Variants in SMYD3 observed in about 807,000 individuals in gnomAD.
The protein encoded by SMYD3 is histone-lysine N-methyltransferase SMYD3.
In SMYD3, 36 loss-of-function variants were observed where a neutral mutation model predicts 57.7. The observed-to-expected ratio is 0.62, with a 90% CI of 0.48 to 0.82. SMYD3 has a LOEUF of 0.82. SMYD3 is among the 40% of genes least tolerant of loss of function. The pLI is 0.00. For missense variants in SMYD3, 515 were observed against 538.8 expected, an observed-to-expected ratio of 0.96 and a Z score of 0.44; for synonymous variants, 211 against 195.0, an observed-to-expected ratio of 1.08 and a Z score of -0.68.
intron 5 of SMYD3, among the ~76,000 whole-genome samples, chr1:246,318,592 T>C (rs1026525046): frequency 6.6e-6 from 1 of 152,224 alleles, no homozygotes; most frequent in Non-Finnish European, 1.5e-5. Context: ...AGTATTCCAG[T>C]AGATTGTTGT....
intron 5 of SMYD3, among the ~76,000 whole-genome samples, chr1:246,041,520 CTG>C (rs1211520872): frequency 6.6e-6 from 1 of 152,108 alleles, no homozygotes; most frequent in African/African-American, 2.4e-5. Context: ...AGGAAAGTCT[CTG>C]TGTGTGTGTG....
intron 5 of SMYD3, among the ~76,000 whole-genome samples, chr1:246,309,430 A>G (rs7533584): frequency 0.34 from 50,993 of 152,010 alleles, 9,434 homozygotes; most frequent in East Asian, 0.73. Flanking sequence ...ACTCCAATAC[A>G]TCAAACATGT....
intron 1 of SMYD3, among the ~76,000 whole-genome samples, chr1:246,397,682 A>G (rs992993141): frequency 1.3e-5 from 2 of 152,158 alleles, no homozygotes; most frequent in African/African-American, 4.8e-5. Context: ...ACAGCAGTGG[A>G]GAAAGAGGTT....
chr1:246,316,761 C>G (rs1310754954), intron 5 of SMYD3, among the ~76,000 whole-genome samples: 3 of 149,502 alleles, frequency 2.0e-5, no homozygotes, highest in Middle Eastern at 3.2e-3. Flanking sequence ...TTTGGGAGGC[C>G]GAGGCGAGCG....
chr1:246,069,000 GAT>G (rs2060397269), intron 5 of SMYD3, among the ~76,000 whole-genome samples: 1 of 152,126 alleles, frequency 6.6e-6, no homozygotes, highest in Admixed American at 6.5e-5. Flanking sequence ...CACTGACTAG[GAT>G]ATGTCTGTGC....
At chr1:246,022,018 G>C (rs1006876041) in intron 5 of SMYD3, among the ~76,000 whole-genome samples, 4 of 152,196 alleles carry the variant, frequency 2.6e-5, no homozygotes, top group Admixed American at 2.6e-4. Flanking sequence ...CTGGAAACAT[G>C]AACATCCACA....
intron 5 of SMYD3, among the ~76,000 whole-genome samples, chr1:245,964,311 A>G (rs1466191184): frequency 6.6e-6 from 1 of 152,174 alleles, no homozygotes; most frequent in Non-Finnish European, 1.5e-5. Flanking sequence ...TGGGGGTCAT[A>G]TTTCAACATA....
chr1:246,150,036 A>C (rs2061917438), intron 5 of SMYD3, among the ~76,000 whole-genome samples: 1 of 152,240 alleles, frequency 6.6e-6, no homozygotes, highest in South Asian at 2.1e-4. Flanking sequence ...TAGAGAAAGA[A>C]ATTCTGTTTT....
intron 5 of SMYD3, among the ~76,000 whole-genome samples, chr1:246,171,956 A>G (rs2062342656): frequency 1.3e-5 from 2 of 152,344 alleles, no homozygotes; most frequent in East Asian, 3.9e-4. Flanking sequence ...GGCTACAGTG[A>G]GCCAAGATCA....
chr1:245,900,550 A>G (rs1255122250), intron 8 of SMYD3, among the ~76,000 whole-genome samples: 5 of 152,282 alleles, frequency 3.3e-5, no homozygotes, highest in Admixed American at 3.3e-4. Context: ...GATGAGATCT[A>G]TGAGTCGCTG....
At chr1:245,974,076 T>C (rs1322485827) in intron 5 of SMYD3, among the ~76,000 whole-genome samples, 1 of 152,174 alleles carries the variant, frequency 6.6e-6, no homozygotes, top group East Asian at 1.9e-4. Context: ...CCTGACTTGC[T>C]AACAGATGCC....
intron 1 of SMYD3, among the ~76,000 whole-genome samples, chr1:246,440,485 C>A (rs1242044700): frequency 2.0e-5 from 3 of 151,966 alleles, no homozygotes; most frequent in Non-Finnish European, 4.4e-5. Context: ...TATTTTGGAT[C>A]ACAAACTAAA....
chr1:246,157,757 C>T (rs954090370), intron 5 of SMYD3, among the ~76,000 whole-genome samples: 3 of 152,156 alleles, frequency 2.0e-5, no homozygotes, highest in Non-Finnish European at 4.4e-5. Flanking sequence ...AGTGGAACTG[C>T]GTTGAGAATC....
chr1:246,431,265 A>G (rs748022005), intron 1 of SMYD3, among the ~76,000 whole-genome samples: 17 of 152,252 alleles, frequency 1.1e-4, no homozygotes, highest in Non-Finnish European at 2.2e-4. Context: ...TTTACATTCA[A>G]CAAGCATAAC....
chr1:245,958,201 AG>A (rs2147976127), intron 5 of SMYD3, among the ~76,000 whole-genome samples: 1 of 152,322 alleles, frequency 6.6e-6, no homozygotes, highest in Non-Finnish European at 1.5e-5. Context: ...TATTGAATCC[AG>A]GTTTTTCTGA....
chr1:245,995,069 G>A (rs529930496), intron 5 of SMYD3, among the ~76,000 whole-genome samples: 1 of 152,230 alleles, frequency 6.6e-6, no homozygotes, highest in South Asian at 2.1e-4. Flanking sequence ...CTCCAGCCTG[G>A]TGACAGAGCA....
At chr1:245,913,993 G>A (rs899660746) in intron 8 of SMYD3, among the ~76,000 whole-genome samples, 4 of 152,164 alleles carry the variant, frequency 2.6e-5, no homozygotes, top group Admixed American at 1.3e-4. Flanking sequence ...AAGGATGTGG[G>A]GAAAACATAC....
chr1:246,203,652 A>G lies in SMYD3; in HGVS notation c.531+123549T>C, dbSNP rs1487876081. Among the ~76,000 whole-genome samples, 2 of 152,164 alleles carry G rather than the reference A, an allele frequency of 1.3e-5. No homozygotes were observed. The highest frequency in any genetic ancestry group is 2.9e-5 in the Non-Finnish European group (2 of 68,018). On this transcript the variant is annotated intron_variant, in intron 5 of 11. Transcript: ENST00000490107. The surrounding 1 kb of genome is among the most constrained non-coding windows in gnomAD (Gnocchi z 4.6). ...GGGTCAACCCTAAAGGCCTCATGTT[A>G]AATCACCTCTTCAAAGACCTTCTCT...
At chr1:246,359,330 G>A (rs2065954132) in intron 1 of SMYD3, among the ~76,000 whole-genome samples, 1 of 151,900 alleles carries the variant, frequency 6.6e-6, no homozygotes, top group Non-Finnish European at 1.5e-5. Context: ...TTTAAAAATT[G>A]CCAACAAGAA....
Sources: allele counts gnomAD v4.1 joint callset (sites outside exome capture counted in the v4.1 genomes callset), GRCh38; gene constraint gnomAD v4.1.1; non-coding constraint Gnocchi (gnomAD v3.1); transcripts MANE v1.5; gene names NCBI Gene and HGNC (gene_info 2026-07-23, HGNC 2026-07-21).